ZC3H12C: variants seen among roughly 807,000 people sequenced by gnomAD.
ZC3H12C encodes probable ribonuclease ZC3H12C.
Under a neutral mutation model 76.3 loss-of-function variants are expected in ZC3H12C, and 20 were observed. The observed-to-expected ratio is 0.26, with a 90% CI of 0.18 to 0.38. The LOEUF (loss-of-function observed/expected upper bound fraction) is 0.38. ZC3H12C is among the 10% of genes least tolerant of loss of function. The pLI is 1.00. For synonymous variants in ZC3H12C, 352 were observed against 399.6 expected (o/e 0.88, Z 1.42); for missense variants, 874 against 1,086.5 (o/e 0.80, Z 2.75).
rs75716865 is a variant in ZC3H12C, at chr11:110,136,730, A to G, written c.89A>G (p.Asn30Ser). ...NSKVESSTRN[N>S]FMGLKDHLGH... is the part of the protein sequence containing the mutation. ...AAAGTGGAGTCAAGTACACGTAACA[A>G]CTTCATGGGCTTGAAGGATCACCTA... Residue 30 changes from asparagine to serine, a missense_variant, in exon 2 of 6, where the codon AAC becomes AGC. By Grantham distance (46) the Asn-to-Ser change is conservative. Around this residue, in one of 3 missense-constraint regions of ZC3H12C, gnomAD observed 210 missense variants for 227.1 expected, o/e 0.92. Coordinates refer to ENST00000278590, the MANE Select transcript of ZC3H12C (RefSeq NM_033390.2). 1.3e-4 allele frequency: 208 copies of G among 1,614,002 alleles called. 2 individuals are homozygous for G. The highest frequency in any genetic ancestry group is 1.1e-3 in the East Asian group (49 of 44,884).
chr11:110,130,819 G>C (rs1861850182), intron 1 of ZC3H12C, among the ~76,000 whole-genome samples: 1 of 152,162 alleles, frequency 6.6e-6, no homozygotes, highest in African/African-American at 2.4e-5. Context: ...ATGCTGCCCG[G>C]GGCAGACCCT....
At chr11:110,131,370 G>T in intron 1 of ZC3H12C, 1 of 404,478 alleles carries the variant, frequency 2.5e-6, no homozygotes, top group Non-Finnish European at 4.4e-6. Context: ...ATAATCATTT[G>T]GAACTTAAAG....
intron 4 of ZC3H12C, among the ~76,000 whole-genome samples, chr11:110,160,956 C>A (rs1235506202): frequency 6.6e-6 from 1 of 152,034 alleles, no homozygotes; most frequent in Non-Finnish European, 1.5e-5. Flanking sequence ...CATTCCTCAG[C>A]CTCCTGAGTA....
intron 1 of ZC3H12C, among the ~76,000 whole-genome samples, chr11:110,135,490 C>CAA (rs60107794): frequency 0.02 from 1,878 of 94,306 alleles, 95 homozygotes; most frequent in East Asian, 0.092. Context: ...ACTCCCGTCT[C>CAA]AAAAAAAAAA....
intron 1 of ZC3H12C, among the ~76,000 whole-genome samples, chr11:110,127,890 A>T (rs587450): frequency 0.69 from 100,960 of 145,722 alleles, 34,664 homozygotes; most frequent in East Asian, 0.84. Flanking sequence ...AGTGAGACTT[A>T]CTCTCAAAAA....
intron 1 of ZC3H12C, among the ~76,000 whole-genome samples, chr11:110,104,289 CCTCA>C (rs1342414479): frequency 2.0e-5 from 3 of 152,120 alleles, no homozygotes; most frequent in African/African-American, 7.2e-5. Context: ...GAACTCCTGA[CCTCA>C]CATAATCCAC....
chr11:110,142,541 C>A (rs1862085369), intron 2 of ZC3H12C, among the ~76,000 whole-genome samples: 1 of 152,116 alleles, frequency 6.6e-6, no homozygotes, highest in Non-Finnish European at 1.5e-5. Flanking sequence ...AATTGTAGAC[C>A]TTATATGGCG....
In ZC3H12C at chr11:110,152,922, T is replaced by C; in HGVS notation, c.777T>C (p.His259=). 1 of 1,611,878 alleles carries C rather than the reference T, an allele frequency of 6.2e-7. No individual in the cohort carries two copies. The highest frequency in any genetic ancestry group is 8.5e-7 in the Non-Finnish European group (1 of 1,178,924). The change falls in exon 3 of 6, where the codon CAT becomes CAC. Residue 259 remains histidine (H), a synonymous_variant. Transcript: ENST00000278590. ...GTGTTCCGTAATAATCTTTCAGCCA[T>C]GGAAACAAAGAAGTATTTTCCTGCA... ...VIDGSNVAMS[H]GNKEVFSCRG... is the part of the protein sequence containing the mutation.
At chr11:110,118,263 G>A (rs1861596428) in intron 1 of ZC3H12C, among the ~76,000 whole-genome samples, 1 of 151,372 alleles carries the variant, frequency 6.6e-6, no homozygotes, top group Non-Finnish European at 1.5e-5. Context: ...AAATTGATAA[G>A]GACGAGGAAA....
Position 110,136,655 on chromosome 11 carries a change from T to G in ZC3H12C, c.22-8T>G, listed in dbSNP as rs1463297740. On this transcript the variant is annotated splice_region_variant and splice_polypyrimidine_tract_variant and intron_variant, in intron 1 of 5. Transcript: ENST00000278590. ...ATGAAATTCTAAATATTTTACATTT[T>G]TCTCTAGGAATACGGGGTGCTTTGC... is the stretch of plus-strand genomic sequence containing the variant. The G allele has an allele frequency of 1.2e-6, 2 of 1,600,446 alleles. No individual in the cohort carries two copies. Among genetic ancestry groups the G allele is most frequent in the African/African-American group, 2.7e-5 (2 of 74,016 alleles).
intron 2 of ZC3H12C, among the ~76,000 whole-genome samples, chr11:110,139,869 CTT>C (rs58867910): frequency 5.3e-5 from 7 of 131,500 alleles, no homozygotes; most frequent in African/African-American, 8.5e-5. Context: ...CATATATTTT[CTT>C]TTTTTTTTTT....
chr11:110,095,351 T>A (rs1434237370), intron 1 of ZC3H12C, among the ~76,000 whole-genome samples: 1 of 152,240 alleles, frequency 6.6e-6, no homozygotes, highest in Non-Finnish European at 1.5e-5. Flanking sequence ...ACATTAATTT[T>A]AATTACTATC....
chr11:110,134,843 A>T (rs1341050283), intron 1 of ZC3H12C, among the ~76,000 whole-genome samples: 2 of 152,124 alleles, frequency 1.3e-5, no homozygotes, highest in African/African-American at 4.8e-5. Context: ...AGTGTGTAGG[A>T]GTTCTACACT....
In ZC3H12C at chr11:110,167,857, T is replaced by TA. The variant is rs1862609302; in HGVS notation, c.*2121dup. On this transcript the variant is annotated 3_prime_UTR_variant, in exon 6 of 6. Coordinates refer to ENST00000278590, the MANE Select transcript of ZC3H12C (RefSeq NM_033390.2). ...AGTGGTGTCTGTCTGAAAGCAACCC[T>TA]ACTCGCATGTGAAATTGTTCTCCTT... The TA allele has an allele frequency of 6.6e-6, 1 of 152,186 alleles. No homozygotes were observed. Among genetic ancestry groups the TA allele is most frequent in the Non-Finnish European group, 1.5e-5 (1 of 68,016 alleles). 9.4% of individuals were successfully genotyped at this position (152,186 alleles called of 1,614,324 possible). A position where few individuals can be genotyped will look rare whatever the true frequency, so the allele number is the denominator to read the frequency against.
intron 2 of ZC3H12C, among the ~76,000 whole-genome samples, chr11:110,146,064 G>T (rs1429587173): frequency 6.6e-6 from 1 of 152,180 alleles, no homozygotes; most frequent in Non-Finnish European, 1.5e-5. Flanking sequence ...TCGGCTCACT[G>T]CAAGCTCCGC....
chr11:110,142,518 A>G (rs947462551), intron 2 of ZC3H12C, among the ~76,000 whole-genome samples: 1 of 152,202 alleles, frequency 6.6e-6, no homozygotes, highest in African/African-American at 2.4e-5. Flanking sequence ...TTGACCAGCT[A>G]GATGTTGCCT....
chr11:110,147,627 A>G (rs929431725), intron 2 of ZC3H12C, among the ~76,000 whole-genome samples: 4 of 151,954 alleles, frequency 2.6e-5, no homozygotes, highest in South Asian at 4.1e-4. Flanking sequence ...ATTAAAAAAA[A>G]AAAAGAAAAG....
rs267602688 is a variant in ZC3H12C, at chr11:110,137,083, A to C, written c.442A>C (p.Thr148Pro). ...QDFKPEESQTTSKEAKKPPDV... is the reference protein window; with the variant it reads ...QDFKPEESQTPSKEAKKPPDV... ...CTTTAAACCTGAAGAGTCCCAGACT[A>C]CATCCAAGGAAGCAAAGAAACCACC... Residue 148 changes from threonine to proline, a missense_variant, in exon 2 of 6, where the codon ACA (threonine) becomes CCA (proline). Transcript: ENST00000278590. The C allele has an allele frequency of 6.2e-7, 1 of 1,613,952 alleles. No individual in the cohort carries two copies. Among genetic ancestry groups the C allele is most frequent in the Non-Finnish European group, 8.5e-7 (1 of 1,179,872 alleles).
chr11:110,162,941 TA>T (rs1251628447), intron 4 of ZC3H12C, among the ~76,000 whole-genome samples: 6 of 152,154 alleles, frequency 3.9e-5, no homozygotes, highest in Non-Finnish European at 5.9e-5. Flanking sequence ...TGTATGTTGA[TA>T]AAGCTCTCCT....
Sources: allele counts gnomAD v4.1 joint callset (sites outside exome capture counted in the v4.1 genomes callset), GRCh38; gene constraint gnomAD v4.1.1; regional missense constraint gnomAD v4.1.1; transcripts MANE v1.5; gene names NCBI Gene and HGNC (gene_info 2026-07-23, HGNC 2026-07-21).